Variants in PPP1R13L observed in about 807,000 individuals in gnomAD.
The protein encoded by PPP1R13L is protein phosphatase 1 regulatory subunit 13 like, also known as relA-associated inhibitor.
Under a neutral mutation model 80.9 loss-of-function variants are expected in PPP1R13L, and 50 were observed. The observed-to-expected ratio is 0.62, with a 90% CI of 0.49 to 0.78. The LOEUF (loss-of-function observed/expected upper bound fraction) is 0.78, where lower values mean the gene tolerates loss of function less well. PPP1R13L is among the 30% of genes least tolerant of loss of function. The pLI is 0.00. For missense variants in PPP1R13L, 1,200 were observed against 1,205.9 expected, an observed-to-expected ratio of 1.00 and a Z score of 0.07; for synonymous variants, 602 against 534.3, an observed-to-expected ratio of 1.13 and a Z score of -1.75.
chr19:45,380,584 G>A (rs35163709), intron 12 of PPP1R13L, among the ~76,000 whole-genome samples: 2,384 of 152,192 alleles, frequency 0.016, 63 homozygotes, highest in African/African-American at 0.054. Flanking sequence ...TTGGGAGGCC[G>A]AGGTGGGTGG....
rs1241921092 is a variant in PPP1R13L at position 45,396,893 on chromosome 19, G to A, written c.364C>T (p.Arg122Cys). The change falls in exon 4 of 13, where the codon CGC becomes TGC. Residue 122 changes from arginine to cysteine, a missense_variant. By Grantham distance (180) the Arg-to-Cys change is radical. Transcript: ENST00000360957. The surrounding 1 kb of genome is among the most constrained non-coding windows in gnomAD (Gnocchi z 5.3). ...TCCGGCTGCAGGTAGAGCGGGGTGC[G>A]CGGCGACGACGGCCGTCCCTTGGGG... ...LSPKGRPSSP[R>C]TPLYLQPDAY... is the part of the protein sequence containing the mutation. 1.2e-5 allele frequency: 19 copies of A among 1,522,286 alleles called. No homozygotes were observed. The highest frequency in any genetic ancestry group is 1.7e-5 in the Non-Finnish European group (19 of 1,142,576). 94.3% of individuals were successfully genotyped at this position (1,522,286 alleles called of 1,614,324 possible). A position where few individuals can be genotyped will look rare whatever the true frequency, so the allele number is the denominator to read the frequency against.
intron 1 of PPP1R13L, among the ~76,000 whole-genome samples, chr19:45,402,502 G>A (rs897208408): frequency 2.0e-5 from 3 of 152,258 alleles, no homozygotes; most frequent in Non-Finnish European, 4.4e-5. Context: ...GCCACCAGGG[G>A]GCGGTCACGC....
In PPP1R13L at chr19:45,395,884, G is replaced by A. The variant is rs758677699; in HGVS notation, c.906C>T (p.Asp302=). The A allele has an allele frequency of 8.8e-6, 14 of 1,585,628 alleles. No individual in the cohort carries two copies. Among genetic ancestry groups the A allele is most frequent in the Non-Finnish European group, 1.2e-5 (14 of 1,166,510 alleles). The change falls in exon 7 of 13, where the codon GAC becomes GAT. Residue 302 remains aspartate (D), a splice_region_variant and synonymous_variant. Coordinates refer to ENST00000360957, the MANE Select transcript of PPP1R13L (RefSeq NM_006663.4). The part of the protein sequence containing the change: ...SLDGLGGTGK[D]NLTSATLPRN... ...GCGGCAGGGTGGCGCTAGTGAGGTT[G>A]TCCTGGGGAAGAGGGAAGGGAGAAG...
chr19:45,398,142 C>G lies in PPP1R13L; in HGVS notation c.61G>C (p.Ala21Pro). ...TGCTTCAGATCCATGTGTTTCATGG[C>G]CAGCGCTGGGAAGGTGGGAGTGGAG... ...DFLDMNFQSL[A>P]MKHMDLKQME... The change falls in exon 3 of 13, where the codon GCC becomes CCC. Residue 21 changes from alanine to proline, a missense_variant. This residue lies in a region of PPP1R13L where 764 missense variants were observed against 714.5 expected (regional missense o/e 1.07). Transcript: ENST00000360957. The G allele has an allele frequency of 6.2e-7, 1 of 1,613,898 alleles. No individual in the cohort carries two copies. Among genetic ancestry groups the G allele is most frequent in the Non-Finnish European group, 8.5e-7 (1 of 1,179,838 alleles).
At chr19:45,389,300 G>C (rs915601302) in intron 8 of PPP1R13L, among the ~76,000 whole-genome samples, 1 of 152,020 alleles carries the variant, frequency 6.6e-6, no homozygotes, top group African/African-American at 2.4e-5. Flanking sequence ...AGGCATTTTG[G>C]GGGGGTCCAC....
chr19:45,385,910 G>A lies in PPP1R13L; in HGVS notation c.1995C>T (p.His665=), dbSNP rs763915583. 1.9e-6 allele frequency: 3 copies of A among 1,611,984 alleles called. No individual in the cohort carries two copies. The highest frequency in any genetic ancestry group is 1.7e-6 in the Non-Finnish European group (2 of 1,179,246). Residue 665 remains histidine (H), a synonymous_variant, in exon 10 of 13, where the codon CAC becomes CAT. Transcript: ENST00000360957. Reference sequence around the variant, plus strand: ...AGTAGTTGGCGCCGCAGATGGCGTTGTGCAAGGCAGTGATGCCCTCCTCGT... The same window carrying A: ...AGTAGTTGGCGCCGCAGATGGCGTTATGCAAGGCAGTGATGCCCTCCTCGT... ...QPNEEGITAL[H]NAICGANYSI...
intron 11 of PPP1R13L, 63 bp from the exon 12 acceptor site, chr19:45,382,789 C>A: frequency 6.5e-7 from 1 of 1,533,614 alleles, no homozygotes; most frequent in South Asian, 1.1e-5. Flanking sequence ...ACAGGGGCCA[C>A]GTGGGGTCCA....
At chr19:45,391,104 G>A (rs1369742364) in intron 8 of PPP1R13L, among the ~76,000 whole-genome samples, 1 of 151,922 alleles carries the variant, frequency 6.6e-6, no homozygotes, top group Admixed American at 6.6e-5. Flanking sequence ...AAGCTAAAGC[G>A]GGAGGATGGC....
At chr19:45,399,571 C>A (rs559236787) in intron 1 of PPP1R13L, among the ~76,000 whole-genome samples, 1 of 151,286 alleles carries the variant, frequency 6.6e-6, no homozygotes, top group Non-Finnish European at 1.5e-5. Flanking sequence ...TTGAACTGAG[C>A]GGAGATCGCG....
chr19:45,395,951 A>G, intron 6 of PPP1R13L, 65 bp from the exon 7 acceptor site: 1 of 1,428,526 alleles, frequency 7.0e-7, no homozygotes, highest in Non-Finnish European at 9.6e-7. Context: ...AGGTAAAGAC[A>G]AAAGACGAGA....
At position 45,382,707 on chromosome 19, in the gene PPP1R13L, C is replaced by A. The variant is rs1972787808; in HGVS notation, c.2268G>T (p.Gly756=). 7 of 1,613,930 alleles carry A rather than the reference C, an allele frequency of 4.3e-6. No individual in the cohort carries two copies. The highest frequency in any genetic ancestry group is 5.9e-6 in the Non-Finnish European group (7 of 1,180,048). The change falls in exon 12 of 13, where the codon GGG becomes GGT. Residue 756 remains glycine (G), a synonymous_variant. Transcript: ENST00000360957. ...CGTACACTGCCCCGCTGTTCATCAG[C>A]CCCATACTCTGCTCGACGTCTGAAA... ...TYLADVEQSM[G]LMNSGAVYAL...
intron 1 of PPP1R13L, 85 bp downstream of exon 1, chr19:45,404,914 G>A (rs1973300795): frequency 2.4e-6 from 2 of 848,452 alleles, no homozygotes; most frequent in Non-Finnish European, 2.8e-6. Context: ...CTGGGACCTG[G>A]CGTCCGAGTC....
Position 45,383,025 on chromosome 19 carries a change from C to T in PPP1R13L, c.2249-299G>A, listed in dbSNP as rs538074837. ...TTTTTTTTTTTTTGAGACAGAGTCTCGCTCTGTCGCCCAGGCTGGAGTGCA... is the reference window on the plus strand; with the variant it reads ...TTTTTTTTTTTTTGAGACAGAGTCTTGCTCTGTCGCCCAGGCTGGAGTGCA... On this transcript the variant is annotated intron_variant, in intron 11 of 12. Transcript: ENST00000360957. Among the ~76,000 whole-genome samples the T allele has an allele frequency of 1.2e-3, 157 of 132,428 alleles. 1 individual carries two copies. Among genetic ancestry groups the T allele is most frequent in the South Asian group, 4.5e-3 (19 of 4,190 alleles). 86.9% of individuals were successfully genotyped at this position (132,428 alleles called of 152,430 possible). A position where few individuals can be genotyped will look rare whatever the true frequency, so the allele number is the denominator to read the frequency against.
At chr19:45,395,403 C>T (rs971163231) in intron 7 of PPP1R13L, 33 bp downstream of exon 7, 2 of 1,570,230 alleles carry the variant, frequency 1.3e-6, no homozygotes, top group Non-Finnish European at 1.7e-6. Context: ...CCTCCCTTCA[C>T]CCAGTCCTCT....
chr19:45,382,617 G>T lies in PPP1R13L; in HGVS notation c.2358C>A (p.Thr786=). 1.2e-6 allele frequency: 2 copies of T among 1,613,762 alleles called. No homozygotes were observed. Among genetic ancestry groups the T allele is most frequent in the Non-Finnish European group, 1.7e-6 (2 of 1,180,026 alleles). The part of the protein sequence containing the change: ...ELSFREGESV[T]VLRRDGPEET... ...CCTCCGGCCCGTCCCTCCGCAGCAC[G>T]GTGACCGACTCGCCCTCGCGGAAGG... Residue 786 remains threonine (T), a synonymous_variant, in exon 12 of 13, where the codon ACC becomes ACA. Transcript: ENST00000360957.
chr19:45,397,633 T>A (rs1466783299), intron 3 of PPP1R13L, among the ~76,000 whole-genome samples: 1 of 151,664 alleles, frequency 6.6e-6, no homozygotes, highest in Non-Finnish European at 1.5e-5. Flanking sequence ...AACTTTTGTA[T>A]TTTTAGTAGA....
Position 45,386,189 on chromosome 19 carries a change from C to T in PPP1R13L, c.1816-9G>A, listed in dbSNP as rs779281970. 6.6e-7 allele frequency: 1 copy of T among 1,511,408 alleles called. No individual in the cohort carries two copies. Among genetic ancestry groups the T allele is most frequent in the Non-Finnish European group, 8.7e-7 (1 of 1,144,212 alleles). 93.6% of individuals were successfully genotyped at this position (1,511,408 alleles called of 1,614,324 possible). On this transcript the variant is annotated splice_polypyrimidine_tract_variant and intron_variant, in intron 8 of 12. Coordinates refer to ENST00000360957, the MANE Select transcript of PPP1R13L (RefSeq NM_006663.4). Reference sequence around the variant, plus strand: ...AGCACAGAGCGCATCTCCTGGGGGACAGGGCGCAGAGGTCAGCGACTTGGA... The same window carrying T: ...AGCACAGAGCGCATCTCCTGGGGGATAGGGCGCAGAGGTCAGCGACTTGGA...
rs199816805 is a variant in PPP1R13L, at chr19:45,396,473, G to A, written c.713-37C>T. ...TTTCCAGGGAGGATGAGACGGGAGG[G>A]GTGGCGAGCCCCGGATCCTGCCCGC... On this transcript the variant is annotated intron_variant, in intron 4 of 12. Coordinates refer to ENST00000360957, the MANE Select transcript of PPP1R13L (RefSeq NM_006663.4). The surrounding 1 kb of genome is among the most constrained non-coding windows in gnomAD (Gnocchi z 5.3). The A allele has an allele frequency of 2.9e-4, 473 of 1,612,762 alleles. No individual in the cohort carries two copies. In the African/African-American group the frequency reaches 4.5e-3, roughly 15 times the overall value.
At chr19:45,398,585 CTT>C (rs113649282) in intron 1 of PPP1R13L, among the ~76,000 whole-genome samples, 9 of 136,510 alleles carry the variant, frequency 6.6e-5, no homozygotes, top group Admixed American at 1.5e-4. Flanking sequence ...TTTTTCTTTT[CTT>C]TTTTTTTTTT....
Sources: gnomAD v4.1 joint callset for allele counts (sites outside exome capture counted in the v4.1 genomes callset) on GRCh38, gnomAD v4.1.1 for gene constraint, gnomAD v4.1.1 regional missense constraint, Gnocchi (gnomAD v3.1) non-coding constraint, MANE v1.5 for transcripts, NCBI Gene and HGNC (gene_info 2026-07-23, HGNC 2026-07-21) for gene names.